SHISA6: variants seen among roughly 807,000 people sequenced by gnomAD.
SHISA6 encodes the protein protein shisa-6.
SHISA6 carries 22 observed loss-of-function variants against 47.9 expected under a neutral mutation model. The observed-to-expected ratio is 0.46, with a 90% CI of 0.33 to 0.66. The LOEUF (loss-of-function observed/expected upper bound fraction) is 0.66. Ranked by LOEUF, SHISA6 falls within the 30% of genes least tolerant of loss-of-function variation. SHISA6 has a pLI of 0.02. For synonymous variants in SHISA6, 388 were observed against 337.8 expected, an observed-to-expected ratio of 1.15 and a Z score of -1.63; for missense variants, 680 against 764.6, an observed-to-expected ratio of 0.89 and a Z score of 1.30.
intron 2 of SHISA6, among the ~76,000 whole-genome samples, chr17:11,344,715 G>A (rs764178678): frequency 2.6e-5 from 4 of 152,096 alleles, no homozygotes; most frequent in Admixed American, 2.0e-4. Flanking sequence ...TGTATACGAC[G>A]TGTCTAATGA....
chr17:11,376,197 T>A (rs554220739), intron 2 of SHISA6, among the ~76,000 whole-genome samples: 1 of 152,178 alleles, frequency 6.6e-6, no homozygotes, highest in Non-Finnish European at 1.5e-5. Context: ...AATCCTATGA[T>A]ACCCACTCAT....
intron 3 of SHISA6, among the ~76,000 whole-genome samples, chr17:11,542,903 A>G (rs535778414): frequency 1.3e-5 from 2 of 152,210 alleles, no homozygotes; most frequent in Admixed American, 1.3e-4. Context: ...AGGTGCCTCA[A>G]GGGCCACTGT....
intron 3 of SHISA6, among the ~76,000 whole-genome samples, chr17:11,544,861 T>G (rs1034230732): frequency 2.7e-5 from 4 of 147,014 alleles, no homozygotes; most frequent in Non-Finnish European, 4.4e-5. Flanking sequence ...CTCGGGAGGC[T>G]GAGGCAGGAG....
intron 3 of SHISA6, among the ~76,000 whole-genome samples, chr17:11,402,815 AG>A (rs1913823188): frequency 6.6e-6 from 1 of 152,240 alleles, no homozygotes; most frequent in Admixed American, 6.5e-5. Context: ...GCACTGAGGC[AG>A]GCCTCAGCGA....
intron 4 of SHISA6, among the ~76,000 whole-genome samples, chr17:11,553,562 T>C (rs886252450): frequency 1.2e-4 from 19 of 152,186 alleles, no homozygotes; most frequent in Admixed American, 1.2e-3. Context: ...AGTAGAGTTT[T>C]CTCTGCATTG....
At chr17:11,287,081 C>T (rs1356218788) in intron 2 of SHISA6, among the ~76,000 whole-genome samples, 1 of 152,044 alleles carries the variant, frequency 6.6e-6, no homozygotes, top group Non-Finnish European at 1.5e-5. Flanking sequence ...ACTTTAGAAA[C>T]ATGTGAAAAT....
At chr17:11,277,686 G>A (rs1020444128) in intron 2 of SHISA6, among the ~76,000 whole-genome samples, 4 of 152,116 alleles carry the variant, frequency 2.6e-5, no homozygotes, top group African/African-American at 9.7e-5. Context: ...AAAGAAGTCA[G>A]TTCAGGGATT....
intron 3 of SHISA6, among the ~76,000 whole-genome samples, chr17:11,509,039 TCCCTGGAA>T (rs2071522595): frequency 1.9e-5 from 2 of 106,144 alleles, no homozygotes; most frequent in Non-Finnish European, 4.1e-5. Flanking sequence ...TATAAAATCC[TCCCTGGAA>T]GGTTTCACTG....
chr17:11,453,148 G>T (rs1339136822), intron 3 of SHISA6, among the ~76,000 whole-genome samples: 2 of 152,138 alleles, frequency 1.3e-5, no homozygotes, highest in Non-Finnish European at 2.9e-5. Context: ...TTTTGGAAGA[G>T]GCCCAGGGAT....
intron 2 of SHISA6, among the ~76,000 whole-genome samples, chr17:11,336,230 A>C (rs944632551): frequency 1.3e-5 from 2 of 152,056 alleles, no homozygotes; most frequent in Admixed American, 1.3e-4. Flanking sequence ...AATAATAATA[A>C]TAATCTCAAA....
At chr17:11,421,942 G>A (rs1232725998) in intron 3 of SHISA6, among the ~76,000 whole-genome samples, 1 of 152,194 alleles carries the variant, frequency 6.6e-6, no homozygotes, top group Non-Finnish European at 1.5e-5. Context: ...TGTTTTCAAA[G>A]AGGCTGTCTG....
chr17:11,362,059 CT>C (rs1912306776), intron 2 of SHISA6, among the ~76,000 whole-genome samples: 1 of 152,106 alleles, frequency 6.6e-6, no homozygotes, highest in African/African-American at 2.4e-5. Flanking sequence ...ACATATTATT[CT>C]TTTCATTTTC....
chr17:11,262,140 C>T (rs982122393), intron 1 of SHISA6, among the ~76,000 whole-genome samples: 3 of 152,156 alleles, frequency 2.0e-5, no homozygotes, highest in Non-Finnish European at 2.9e-5. Context: ...TTTCATGTGG[C>T]GATCCAGTCA....
At chr17:11,551,366 T>G (rs1470683863) in intron 3 of SHISA6, among the ~76,000 whole-genome samples, 1 of 152,182 alleles carries the variant, frequency 6.6e-6, no homozygotes, top group Non-Finnish European at 1.5e-5. Context: ...ACTCCTGATC[T>G]CAGGCAGTGG....
rs79470314 is a variant in SHISA6 at position 11,558,789 on chromosome 17, C to T, written c.*485C>T. 0.059 allele frequency: 10,256 copies of T among 173,116 alleles called. 416 individuals carry two copies. Among genetic ancestry groups the T allele is most frequent in the Middle Eastern group, 0.086 (29 of 336 alleles). 10.7% of individuals were successfully genotyped at this position (173,116 alleles called of 1,614,324 possible). A position where few individuals can be genotyped will look rare whatever the true frequency, so the allele number is the denominator to read the frequency against. ...ATCTAGAACCGCATCACAGAAATCT[C>T]CTAGTGCCTAAAAACTGCCTGCTCG... is the stretch of plus-strand genomic sequence containing the variant. On this transcript the variant is annotated 3_prime_UTR_variant, in exon 6 of 6. Coordinates refer to ENST00000441885, the MANE Select transcript of SHISA6 (RefSeq NM_207386.4).
intron 2 of SHISA6, among the ~76,000 whole-genome samples, chr17:11,377,986 C>A (rs769682160): frequency 6.6e-5 from 10 of 152,110 alleles, no homozygotes; most frequent in Non-Finnish European, 1.5e-4. Context: ...TTTGCTGTAC[C>A]GGTCAACCCG....
At chr17:11,281,302 C>T (rs1184703803) in intron 2 of SHISA6, among the ~76,000 whole-genome samples, 1 of 152,060 alleles carries the variant, frequency 6.6e-6, no homozygotes, top group Non-Finnish European at 1.5e-5. Flanking sequence ...TGGAGATGCC[C>T]TTTATCAAAT....
chr17:11,295,376 A>C (rs933815109), intron 2 of SHISA6, among the ~76,000 whole-genome samples: 2 of 152,220 alleles, frequency 1.3e-5, no homozygotes, highest in Non-Finnish European at 2.9e-5. Flanking sequence ...TACAGCTGTG[A>C]ATAAGACTCT....
intron 3 of SHISA6, among the ~76,000 whole-genome samples, chr17:11,462,122 T>C (rs1162472549): frequency 6.6e-6 from 1 of 151,948 alleles, no homozygotes; most frequent in Non-Finnish European, 1.5e-5. Flanking sequence ...GTTAGAAAAA[T>C]AGGGCAAAGT....
Sources: allele counts gnomAD v4.1 joint callset (sites outside exome capture counted in the v4.1 genomes callset), GRCh38; gene constraint gnomAD v4.1.1; transcripts MANE v1.5; gene names NCBI Gene and HGNC (gene_info 2026-07-23, HGNC 2026-07-21).